Variants in RIN2 observed in about 807,000 individuals in gnomAD.
RIN2 encodes RAB5 interacting protein 2.
RIN2 carries 36 observed loss-of-function variants against 78.0 expected under a neutral mutation model. The ratio of observed to expected loss-of-function variants is 0.46; its 90% CI spans 0.35 to 0.61. The LOEUF is 0.61. Among genes scored for constraint, RIN2 ranks in the 20% least tolerant of loss-of-function variants. The pLI, the probability that RIN2 is intolerant of heterozygous loss-of-function variation, is 0.00. For synonymous variants in RIN2, 466 were observed against 466.8 expected (o/e 1.00, Z 0.02); for missense variants, 1,087 against 1,159.7 (o/e 0.94, Z 0.91).
In RIN2 at chr20:20,000,380, G is replaced by A. The variant is rs530171800; in HGVS notation, c.2365-233G>A. Among the ~76,000 whole-genome samples the A allele has an allele frequency of 1.4e-4, 22 of 152,334 alleles. 1 individual carries two copies. Among genetic ancestry groups the A allele is most frequent in the African/African-American group, 5.3e-4 (22 of 41,588 alleles). On this transcript the variant is annotated intron_variant, in intron 12 of 12. Coordinates refer to ENST00000255006, the MANE Select transcript of RIN2 (RefSeq NM_018993.4). Reference sequence around the variant, plus strand: ...AAATGGAAAGATCAGAACCAGGGCTGCATGGACTTCCTGCTTCTTACAGTT... The same window carrying A: ...AAATGGAAAGATCAGAACCAGGGCTACATGGACTTCCTGCTTCTTACAGTT...
intron 3 of RIN2, among the ~76,000 whole-genome samples, chr20:19,898,145 A>C (rs1376057509): frequency 6.6e-6 from 1 of 152,260 alleles, no homozygotes; most frequent in Non-Finnish European, 1.5e-5. Context: ...ATTCCTTTTC[A>C]TATTTTCAAA....
intron 2 of RIN2, among the ~76,000 whole-genome samples, chr20:19,852,514 A>C (rs2037014245): frequency 6.6e-6 from 1 of 152,152 alleles, no homozygotes; most frequent in African/African-American, 2.4e-5. Context: ...AGCAAGCAAG[A>C]AGCATTGGTT....
At chr20:19,764,916 GCGTTTTTT>G (rs1439858488) in intron 1 of RIN2, among the ~76,000 whole-genome samples, 15 of 35,362 alleles carry the variant, frequency 4.2e-4, no homozygotes, top group Admixed American at 3.1e-3. Flanking sequence ...TTCACTTTCT[GCGTTTTTT>G]TTTTTTTTTT....
chr20:19,806,835 C>A (rs2035424715), intron 2 of RIN2, among the ~76,000 whole-genome samples: 1 of 151,914 alleles, frequency 6.6e-6, no homozygotes, highest in South Asian at 2.1e-4. Flanking sequence ...GAGCTCGAGG[C>A]TACAGTGAGC....
chr20:19,759,403 G>T (rs1173445284), intron 1 of RIN2, among the ~76,000 whole-genome samples: 1 of 152,198 alleles, frequency 6.6e-6, no homozygotes, highest in African/African-American at 2.4e-5. Flanking sequence ...AGAAACACTT[G>T]CTGGGAGTGC....
At chr20:19,955,299 T>A (rs181032629) in intron 4 of RIN2, among the ~76,000 whole-genome samples, 1 of 152,338 alleles carries the variant, frequency 6.6e-6, no homozygotes, top group African/African-American at 2.4e-5. Flanking sequence ...TTCCTTTTTA[T>A]GGCTGAATAA....
intron 3 of RIN2, among the ~76,000 whole-genome samples, chr20:19,894,395 A>T (rs1054149056): frequency 6.6e-5 from 10 of 152,072 alleles, no homozygotes; most frequent in South Asian, 4.2e-4. Flanking sequence ...TCTTTAAAAA[A>T]ATTTTTTTAA....
chr20:19,998,154 G>A (rs2043029837), intron 12 of RIN2, among the ~76,000 whole-genome samples: 1 of 151,586 alleles, frequency 6.6e-6, no homozygotes, highest in Admixed American at 6.6e-5. Context: ...AATTTATTTT[G>A]TATTTTTAGT....
chr20:19,785,983 C>A (rs766392879), intron 1 of RIN2, among the ~76,000 whole-genome samples: 1 of 152,168 alleles, frequency 6.6e-6, no homozygotes, highest in African/African-American at 2.4e-5. Flanking sequence ...AGAAATGCTT[C>A]GCCTTGGTTT....
intron 2 of RIN2, among the ~76,000 whole-genome samples, chr20:19,840,404 G>A (rs759144692): frequency 3.9e-5 from 6 of 152,222 alleles, no homozygotes; most frequent in East Asian, 1.9e-4. Flanking sequence ...CAGCGTGACC[G>A]TGAGCAGGCA....
chr20:19,765,413 G>T (rs960793427), intron 1 of RIN2, among the ~76,000 whole-genome samples: 1 of 152,182 alleles, frequency 6.6e-6, no homozygotes, highest in African/African-American at 2.4e-5. Flanking sequence ...CACAAACCCA[G>T]ACTGGAGGAG....
chr20:19,814,049 C>T (rs904695789), intron 2 of RIN2, among the ~76,000 whole-genome samples: 1 of 152,102 alleles, frequency 6.6e-6, no homozygotes, highest in Non-Finnish European at 1.5e-5. Context: ...GAAAAATAGT[C>T]GTATCACGTG....
chr20:19,995,141 G>A (rs1310777383), intron 11 of RIN2, among the ~76,000 whole-genome samples: 1 of 151,744 alleles, frequency 6.6e-6, no homozygotes, highest in Admixed American at 6.6e-5. Context: ...CTTCTGCAGG[G>A]TCTCACATGA....
chr20:19,851,717 C>A (rs76001984), intron 2 of RIN2, among the ~76,000 whole-genome samples: 2,940 of 152,190 alleles, frequency 0.019, 46 homozygotes, highest in South Asian at 0.064. Context: ...ATAGAACTCT[C>A]TTCTCTTGGG....
At chr20:19,985,744 T>G (rs2042601306) in intron 9 of RIN2, among the ~76,000 whole-genome samples, 1 of 152,164 alleles carries the variant, frequency 6.6e-6, no homozygotes, top group South Asian at 2.1e-4. Flanking sequence ...TTAATGAGCT[T>G]TAAAAGCATA....
chr20:19,981,990 G>A (rs1446974366), intron 9 of RIN2, among the ~76,000 whole-genome samples: 1 of 152,310 alleles, frequency 6.6e-6, no homozygotes, highest in East Asian at 1.9e-4. Flanking sequence ...CCCAAAGGAA[G>A]AATTCTCTGT....
At chr20:19,828,010 A>G (rs2064949) in intron 2 of RIN2, among the ~76,000 whole-genome samples, 46,773 of 151,830 alleles carry the variant, frequency 0.31, 12,055 homozygotes, top group African/African-American at 0.71. Context: ...CCATATTTGC[A>G]TGCTGCCCAG....
intron 2 of RIN2, among the ~76,000 whole-genome samples, chr20:19,829,392 C>T (rs1045353154): frequency 6.6e-6 from 1 of 152,106 alleles, no homozygotes; most frequent in African/African-American, 2.4e-5. Context: ...ATATGAAGGA[C>T]CCTCTGTAAT....
intron 5 of RIN2, among the ~76,000 whole-genome samples, chr20:19,958,421 C>T (rs2041625174): frequency 6.6e-6 from 1 of 152,248 alleles, no homozygotes. Flanking sequence ...CAAGGTAGGG[C>T]ACGTCCACTC....
Sources: allele counts gnomAD v4.1 joint callset (sites outside exome capture counted in the v4.1 genomes callset), GRCh38; gene constraint gnomAD v4.1.1; transcripts MANE v1.5; gene names NCBI Gene and HGNC (gene_info 2026-07-23, HGNC 2026-07-21).